TSC22D3: variants seen among roughly 807,000 people sequenced by gnomAD.
TSC22D3 encodes the protein TSC22 domain family protein 3.
In TSC22D3, 4 loss-of-function variants were observed where a neutral mutation model predicts 11.1. That is an observed-to-expected ratio of 0.36 (90% CI 0.18 to 0.83). TSC22D3 has a LOEUF of 0.83. TSC22D3 is among the 40% of genes least tolerant of loss of function. The pLI is 0.48. For missense variants in TSC22D3, 118 were observed against 159.4 expected (o/e 0.74, Z 1.40); for synonymous variants, 77 against 70.3 (o/e 1.10, Z -0.48).
intron 1 of TSC22D3, among the ~76,000 whole-genome samples, chrX:107,767,769 G>A (rs1929734065): frequency 8.9e-6 from 1 of 112,222 alleles, no homozygotes; most frequent in African/African-American, 3.2e-5. Context: ...GGGTTCTGTG[G>A]AGGGCCTTTT....
At chrX:107,721,932 G>A (rs1007633682) in intron 1 of TSC22D3, 5 of 500,524 alleles carry the variant, frequency 1.0e-5, no homozygotes, top group Admixed American at 8.3e-5. Flanking sequence ...CTTGCTTCTC[G>A]CTTATCTTCT....
At chrX:107,738,089 C>T (rs762222226) in intron 1 of TSC22D3, among the ~76,000 whole-genome samples, 21 of 112,236 alleles carry the variant, frequency 1.9e-4, no homozygotes, top group Non-Finnish European at 3.8e-4. Flanking sequence ...AGCTAAGAAA[C>T]AACTGTGTCC....
At chrX:107,734,914 A>G (rs1213047212) in intron 1 of TSC22D3, among the ~76,000 whole-genome samples, 1 of 98,626 alleles carries the variant, frequency 1.0e-5, no homozygotes, top group African/African-American at 3.8e-5. Context: ...AAAATTGCAG[A>G]TGACAGATGA....
At chrX:107,743,537 C>T (rs1928520026) in intron 1 of TSC22D3, among the ~76,000 whole-genome samples, 2 of 111,877 alleles carry the variant, frequency 1.8e-5, no homozygotes, top group South Asian at 3.7e-4. Flanking sequence ...TTTCGGGCCC[C>T]AGAAGCAGTA....
intron 1 of TSC22D3, among the ~76,000 whole-genome samples, chrX:107,751,683 G>A (rs769049247): frequency 8.9e-6 from 1 of 112,512 alleles, no homozygotes; most frequent in East Asian, 2.8e-4. Flanking sequence ...GGCCTAGGTA[G>A]AATTCAGCTA....
intron 1 of TSC22D3, among the ~76,000 whole-genome samples, chrX:107,721,488 GA>G (rs941762501): frequency 9.0e-6 from 1 of 111,624 alleles, no homozygotes; most frequent in African/African-American, 3.3e-5. Context: ...GGGTGGTGAT[GA>G]GGGGGAACAT....
rs762211447 is a variant in TSC22D3 at position 107,764,060 on chromosome X, A to T, written c.320+11040T>A. Among the ~76,000 whole-genome samples, 9 of 112,154 alleles carry T rather than the reference A, an allele frequency of 8.0e-5. No homozygotes were observed. In the South Asian group the frequency reaches 3.3e-3, roughly 41 times the overall value. ...GATTATTAGAATTTCAGTGCTAGAGACTCATTTCTTTAGCTCAAATATAAC... is the reference window on the plus strand; with the variant it reads ...GATTATTAGAATTTCAGTGCTAGAGTCTCATTTCTTTAGCTCAAATATAAC... On this transcript the variant is annotated intron_variant, in intron 1 of 2. Coordinates refer to ENST00000372383, the MANE Select transcript of TSC22D3 (RefSeq NM_198057.3).
intron 1 of TSC22D3, among the ~76,000 whole-genome samples, chrX:107,759,912 G>A (rs751402394): frequency 2.7e-5 from 3 of 112,484 alleles, no homozygotes; most frequent in African/African-American, 9.7e-5. Context: ...GGGGCGGGAG[G>A]AAATTCACGG....
chrX:107,721,405 G>A (rs1927321484), intron 1 of TSC22D3, among the ~76,000 whole-genome samples: 1 of 112,066 alleles, frequency 8.9e-6, no homozygotes, highest in African/African-American at 3.2e-5. Context: ...AGTCTGGGCA[G>A]CATAACCCCG....
chrX:107,762,131 G>C (rs926515202), intron 1 of TSC22D3, among the ~76,000 whole-genome samples: 2 of 112,246 alleles, frequency 1.8e-5, no homozygotes, highest in African/African-American at 6.5e-5. Context: ...TATTCAGTTT[G>C]TATCCCCTAT....
intron 1 of TSC22D3, among the ~76,000 whole-genome samples, chrX:107,771,406 G>T (rs960717454): frequency 2.0e-4 from 22 of 111,558 alleles, no homozygotes; most frequent in Admixed American, 1.9e-3. Flanking sequence ...CTAATATGGT[G>T]AAACCCCATC....
intron 1 of TSC22D3, among the ~76,000 whole-genome samples, chrX:107,764,458 T>C (rs559669356): frequency 1.8e-5 from 2 of 111,828 alleles, no homozygotes; most frequent in South Asian, 7.6e-4. Context: ...GAACAACACC[T>C]TTCTTCCCCA....
At chrX:107,761,215 G>A (rs1302297572) in intron 1 of TSC22D3, among the ~76,000 whole-genome samples, 1 of 112,379 alleles carries the variant, frequency 8.9e-6, no homozygotes, top group Non-Finnish European at 1.9e-5. Context: ...TCACATACTG[G>A]CTAATGTCCT....
chrX:107,741,391 C>T (rs1928395091), intron 1 of TSC22D3, among the ~76,000 whole-genome samples: 1 of 112,679 alleles, frequency 8.9e-6, no homozygotes, highest in South Asian at 3.7e-4. Context: ...CAACTTTCCT[C>T]AGAGCTCTCC....
chrX:107,719,441 A>G lies in TSC22D3; in HGVS notation c.321-3491T>C, dbSNP rs985018929. ...TGACAATAATAGTTACTATTAATAG[A>G]GCATCAGCTATGGGCAGACACTGTG... On this transcript the variant is annotated intron_variant, in intron 1 of 2. Transcript: ENST00000372383. 2.7e-4 allele frequency among the ~76,000 whole-genome samples: 30 copies of G among 112,467 alleles called. No homozygotes were observed. In the Admixed American group the frequency reaches 2.7e-3, roughly 10 times the overall value.
chrX:107,746,425 TAC>T (rs1357156445), intron 1 of TSC22D3, among the ~76,000 whole-genome samples: 1 of 110,195 alleles, frequency 9.1e-6, no homozygotes, highest in Non-Finnish European at 1.9e-5. Context: ...CACACAGACA[TAC>T]ACACACACTC....
In TSC22D3 at chrX:107,738,704, A is replaced by G. The variant is rs764165343; in HGVS notation, c.321-22754T>C. ...GGTAAAGGGAGGGGGAGAACAGGCT[A>G]CTCTGCTGGTCTGGGACCAGCAGAG... On this transcript the variant is annotated intron_variant, in intron 1 of 2. Transcript: ENST00000372383. 2.2e-3 allele frequency among the ~76,000 whole-genome samples: 246 copies of G among 112,330 alleles called. 3 individuals are homozygous for G. Among genetic ancestry groups the G allele is most frequent in the African/African-American group, 7.7e-3 (239 of 30,966 alleles).
At chrX:107,733,957 C>A (rs765807494) in intron 1 of TSC22D3, among the ~76,000 whole-genome samples, 1 of 111,987 alleles carries the variant, frequency 8.9e-6, no homozygotes, top group Non-Finnish European at 1.9e-5. Context: ...CCTCTCAACC[C>A]GGAGAATGGG....
At chrX:107,714,800 T>A in intron 2 of TSC22D3, 51 bp from the exon 3 acceptor site, 1 of 1,119,718 alleles carries the variant, frequency 8.9e-7, no homozygotes, top group Middle Eastern at 2.4e-4. Context: ...TCGTGGCCCC[T>A]CTGCAGCACC....
Sources: allele counts gnomAD v4.1 joint callset (sites outside exome capture counted in the v4.1 genomes callset), GRCh38; gene constraint gnomAD v4.1.1; transcripts MANE v1.5; gene names NCBI Gene and HGNC (gene_info 2026-07-23, HGNC 2026-07-21).